The following PLPP4 variants were observed in gnomAD, a reference collection of about 807,000 sequenced individuals.
The protein encoded by PLPP4 is phospholipid phosphatase 4, also known as diacylglycerol pyrophosphate like 2.
Under a neutral mutation model 32.2 loss-of-function variants are expected in PLPP4, and 20 were observed. The observed-to-expected ratio is 0.62, with a 90% CI of 0.44 to 0.90. The LOEUF (loss-of-function observed/expected upper bound fraction) is 0.90, where lower values mean the gene tolerates loss of function less well. Ranked by LOEUF, PLPP4 falls within the 40% of genes least tolerant of loss-of-function variation. PLPP4 has a pLI of 0.00. For missense variants in PLPP4, 257 were observed against 353.1 expected, an observed-to-expected ratio of 0.73 and a Z score of 2.18; for synonymous variants, 127 against 133.0, an observed-to-expected ratio of 0.95 and a Z score of 0.31.
intron 5 of PLPP4, among the ~76,000 whole-genome samples, chr10:120,557,774 G>A (rs546535866): frequency 9.2e-4 from 140 of 152,304 alleles, no homozygotes; most frequent in African/African-American, 3.2e-3. Flanking sequence ...TGAGAAAAGG[G>A]CTGAAGGAGT....
chr10:120,490,820 C>T (rs1564791791), intron 1 of PLPP4, among the ~76,000 whole-genome samples: 1 of 152,218 alleles, frequency 6.6e-6, no homozygotes, highest in Non-Finnish European at 1.5e-5. Flanking sequence ...GATGACATTA[C>T]AAGGAAGGAA....
chr10:120,503,824 A>C lies in PLPP4; in HGVS notation c.63A>C (p.Thr21=). The change falls in exon 2 of 7, where the codon ACA becomes ACC. Residue 21 remains threonine, a synonymous_variant. Coordinates refer to ENST00000398250, the MANE Select transcript of PLPP4 (RefSeq NM_001030059.3). The stretch of plus-strand genomic sequence containing the variant: ...TTTTCTTTTTATGTTTCAGTTTTAC[A>C]GAGTTTTTGGATCCGTTCCAGAGAG... The part of the protein sequence containing the change: ...RALLFGVFVF[T]EFLDPFQRVI... 6.2e-7 allele frequency: 1 copy of C among 1,612,890 alleles called. No individual in the cohort carries two copies. The highest frequency in any genetic ancestry group is 8.5e-7 in the Non-Finnish European group (1 of 1,179,168).
chr10:120,543,402 A>G (rs1847453244), intron 5 of PLPP4, among the ~76,000 whole-genome samples: 1 of 152,128 alleles, frequency 6.6e-6, no homozygotes, highest in Non-Finnish European at 1.5e-5. Context: ...TATGGTGGGA[A>G]GAGCTGGAGC....
chr10:120,492,664 G>A (rs1169943285), intron 1 of PLPP4, among the ~76,000 whole-genome samples: 4 of 152,208 alleles, frequency 2.6e-5, no homozygotes, highest in African/African-American at 9.6e-5. Flanking sequence ...GCAAAGGCAG[G>A]ATGCAGGGGT....
chr10:120,546,146 C>T (rs1007709172), intron 5 of PLPP4, among the ~76,000 whole-genome samples: 23 of 152,278 alleles, frequency 1.5e-4, no homozygotes, highest in African/African-American at 5.3e-4. Flanking sequence ...CTTTCTTGCT[C>T]CTCAGCTTGC....
intron 5 of PLPP4, among the ~76,000 whole-genome samples, chr10:120,553,845 C>T (rs1378041983): frequency 6.6e-6 from 1 of 152,196 alleles, no homozygotes; most frequent in African/African-American, 2.4e-5. Context: ...GGCCCTGGGC[C>T]TGGCCCACGA....
At chr10:120,574,164 ACACACTCTCTCTCTCTCTCTCTCTCT>A (rs1346845237) in intron 5 of PLPP4, among the ~76,000 whole-genome samples, 44 of 67,704 alleles carry the variant, frequency 6.5e-4, no homozygotes, top group Middle Eastern at 8.5e-3. Flanking sequence ...ACACACACAC[ACACACTCTCTCTCTCTCTCTCTCTCT>A]CTCTCTCTCT....
intron 2 of PLPP4, among the ~76,000 whole-genome samples, chr10:120,508,695 G>A (rs1192960953): frequency 1.3e-5 from 2 of 152,252 alleles, no homozygotes; most frequent in East Asian, 3.9e-4. Flanking sequence ...ATGGGTGGAT[G>A]CTCCATAACT....
intron 5 of PLPP4, among the ~76,000 whole-genome samples, chr10:120,548,399 G>A (rs768933143): frequency 6.6e-6 from 1 of 152,124 alleles, no homozygotes. Context: ...TTGCTGCAAA[G>A]GACATGATCT....
chr10:120,483,989 AAGAC>A (rs1396409663), intron 1 of PLPP4, among the ~76,000 whole-genome samples: 1 of 152,204 alleles, frequency 6.6e-6, no homozygotes, highest in African/African-American at 2.4e-5. Flanking sequence ...AAAATGGACT[AAGAC>A]AGAGGGAGAG....
chr10:120,556,002 C>T (rs1005697818), intron 5 of PLPP4, among the ~76,000 whole-genome samples: 27 of 152,100 alleles, frequency 1.8e-4, no homozygotes, highest in African/African-American at 5.8e-4. Flanking sequence ...CAGGACTGCC[C>T]CCCTCTGCTT....
rs1396362160 is a variant in PLPP4 at position 120,589,518 on chromosome 10, G to A, written c.*16G>A. The A allele has an allele frequency of 2.5e-6, 4 of 1,603,666 alleles. No homozygotes were observed. The highest frequency in any genetic ancestry group is 2.2e-5 in the East Asian group (1 of 44,790). On this transcript the variant is annotated 3_prime_UTR_variant, in exon 7 of 7. Coordinates refer to ENST00000398250, the MANE Select transcript of PLPP4 (RefSeq NM_001030059.3). ...CCCGGTATGACCAGTGTCCTGGGAG[G>A]ATGGACACTAAGCCCTGGGCACATC... is the stretch of plus-strand genomic sequence containing the variant.
At chr10:120,559,987 C>T (rs1254943689) in intron 5 of PLPP4, among the ~76,000 whole-genome samples, 1 of 152,208 alleles carries the variant, frequency 6.6e-6, no homozygotes, top group Non-Finnish European at 1.5e-5. Flanking sequence ...ATTGTGTGAG[C>T]TCAAGTGTTT....
At chr10:120,458,255 T>C (rs1847883649) in intron 1 of PLPP4, among the ~76,000 whole-genome samples, 2 of 152,202 alleles carry the variant, frequency 1.3e-5, no homozygotes, top group African/African-American at 4.8e-5. Context: ...CACCCACACC[T>C]GCACTGGTCC....
intron 5 of PLPP4, among the ~76,000 whole-genome samples, chr10:120,545,867 A>G (rs185299427): frequency 2.1e-3 from 324 of 152,290 alleles, no homozygotes; most frequent in African/African-American, 7.2e-3. Context: ...CCCACCCTCA[A>G]TCTGGGTGGG....
intron 5 of PLPP4, among the ~76,000 whole-genome samples, chr10:120,560,952 G>A (rs182563116): frequency 3.9e-5 from 6 of 151,962 alleles, no homozygotes; most frequent in African/African-American, 1.2e-4. Flanking sequence ...ATGGGGTGTC[G>A]GTGCCCCTAT....
intron 5 of PLPP4, among the ~76,000 whole-genome samples, chr10:120,567,770 A>G (rs1848756866): frequency 6.6e-6 from 1 of 152,214 alleles, no homozygotes; most frequent in South Asian, 2.1e-4. Flanking sequence ...GCTTTCCCAG[A>G]TTTAAAATGG....
At chr10:120,461,271 C>A (rs1347956088) in intron 1 of PLPP4, among the ~76,000 whole-genome samples, 1 of 152,212 alleles carries the variant, frequency 6.6e-6, no homozygotes, top group Non-Finnish European at 1.5e-5. Context: ...ACTAGGAATA[C>A]ACTGCTTTCT....
intron 1 of PLPP4, among the ~76,000 whole-genome samples, chr10:120,472,651 T>G (rs1372422300): frequency 6.6e-6 from 1 of 152,170 alleles, no homozygotes; most frequent in Admixed American, 6.5e-5. Context: ...TCCTAAGACT[T>G]TATTTTATCC....
Sources: gnomAD v4.1 joint callset for allele counts (sites outside exome capture counted in the v4.1 genomes callset) on GRCh38, gnomAD v4.1.1 for gene constraint, MANE v1.5 for transcripts, NCBI Gene and HGNC (gene_info 2026-07-23, HGNC 2026-07-21) for gene names.